The following ASTN2 variants were observed in gnomAD, a reference collection of about 807,000 sequenced individuals.
The protein encoded by ASTN2 is astrotactin 2.
ASTN2 carries 54 observed loss-of-function variants against 139.8 expected under a neutral mutation model. That is an observed-to-expected ratio of 0.39 (90% confidence interval 0.31 to 0.48). ASTN2 has a LOEUF of 0.48. Ranked by LOEUF, ASTN2 falls within the 20% of genes least tolerant of loss-of-function variation. The pLI, the probability that ASTN2 is intolerant of heterozygous loss-of-function variation, is 0.95. For synonymous variants in ASTN2, 756 were observed against 719.5 expected, an observed-to-expected ratio of 1.05 and a Z score of -0.81; for missense variants, 1,565 against 1,725.1, an observed-to-expected ratio of 0.91 and a Z score of 1.64.
chr9:117,414,533 C>A lies in ASTN2; in HGVS notation c.406G>T (p.Asp136Tyr). The A allele has an allele frequency of 1.2e-6, 2 of 1,607,022 alleles. No individual in the cohort carries two copies. Among genetic ancestry groups the A allele is most frequent in the Non-Finnish European group, 1.7e-6 (2 of 1,177,364 alleles). The change falls in exon 1 of 23, where the codon GAC becomes TAC. Residue 136 changes from aspartate to tyrosine, a missense_variant. Physicochemically the swap from Asp to Tyr is radical, Grantham distance 160. Transcript: ENST00000313400. This position sits in a 1 kb window ranked among gnomAD's most constrained non-coding sequence, Gnocchi z 4.2. ...ELPGRIAVQD[D>Y]LDNTELPFFT... is the part of the protein sequence containing the mutation. ...AAGGGCAGCTCGGTGTTGTCCAGGT[C>A]GTCCTGCACCGCGATGCGCCCCGGC...
chr9:116,595,114 C>A (rs1469713561), intron 19 of ASTN2, among the ~76,000 whole-genome samples: 1 of 152,178 alleles, frequency 6.6e-6, no homozygotes, highest in Non-Finnish European at 1.5e-5. Context: ...CCCCTCTAAA[C>A]CTGAGTTTTC....
chr9:116,704,843 T>G (rs988956817), intron 16 of ASTN2, among the ~76,000 whole-genome samples: 19 of 152,302 alleles, frequency 1.2e-4, no homozygotes, highest in African/African-American at 4.3e-4. Context: ...TTGACTCTTT[T>G]GAGGGGTAAA....
intron 3 of ASTN2, among the ~76,000 whole-genome samples, chr9:117,170,336 T>C (rs1368430912): frequency 1.3e-5 from 2 of 152,080 alleles, no homozygotes; most frequent in Admixed American, 6.5e-5. Context: ...ATGACCTCAG[T>C]TGCAATCTTC....
intron 1 of ASTN2, among the ~76,000 whole-genome samples, chr9:117,388,208 CAT>C (rs1177087023): frequency 3.9e-5 from 6 of 152,346 alleles, no homozygotes; most frequent in East Asian, 3.9e-4. Flanking sequence ...CTAATGAGCA[CAT>C]GTCTTGCTTT....
At chr9:116,878,614 G>T (rs1291062385) in intron 10 of ASTN2, among the ~76,000 whole-genome samples, 1 of 152,128 alleles carries the variant, frequency 6.6e-6, no homozygotes, top group East Asian at 1.9e-4. Flanking sequence ...ATACCTAGGT[G>T]ATGGGTTGAT....
intron 4 of ASTN2, among the ~76,000 whole-genome samples, chr9:117,114,132 G>A (rs1238309000): frequency 6.6e-6 from 1 of 151,146 alleles, no homozygotes; most frequent in African/African-American, 2.4e-5. Context: ...TATACTTTGG[G>A]GAATTTTAGA....
chr9:117,097,941 A>G (rs1272093780), intron 4 of ASTN2, among the ~76,000 whole-genome samples: 1 of 152,316 alleles, frequency 6.6e-6, no homozygotes, highest in East Asian at 1.9e-4. Context: ...ATTGCTGACA[A>G]TCCTCATCAT....
intron 10 of ASTN2, among the ~76,000 whole-genome samples, chr9:116,937,995 C>G (rs961872007): frequency 6.6e-6 from 1 of 152,144 alleles, no homozygotes. Context: ...TCTCGGCAAC[C>G]TTTGTGAGAT....
chr9:117,376,109 A>G (rs1017517078), intron 1 of ASTN2, among the ~76,000 whole-genome samples: 3 of 152,168 alleles, frequency 2.0e-5, no homozygotes, highest in Admixed American at 6.5e-5. Flanking sequence ...CATATGGCAT[A>G]GAATATTCAC....
At chr9:117,322,752 G>A (rs1469619984) in intron 1 of ASTN2, among the ~76,000 whole-genome samples, 3 of 152,120 alleles carry the variant, frequency 2.0e-5, no homozygotes, top group African/African-American at 7.2e-5. Context: ...GTTGGTATGA[G>A]CTTTGTTGAT....
chr9:116,480,599 G>A (rs1210116305), intron 20 of ASTN2, among the ~76,000 whole-genome samples: 1 of 152,206 alleles, frequency 6.6e-6, no homozygotes, highest in East Asian at 1.9e-4. Flanking sequence ...TACAGTATTA[G>A]TGAGTACCAT....
Position 116,975,243 on chromosome 9 carries a change from G to A in ASTN2, c.1854C>T (p.Thr618=), listed in dbSNP as rs374483218. Residue 618 remains threonine, a synonymous_variant, in exon 10 of 23, where the codon ACC becomes ACT. Transcript: ENST00000313400. ...LSINPLASCK[T]DVLVTEDPAD... is the part of the protein sequence containing the mutation. ...CAGGGTCTTCCGTGACGAGCACATC[G>A]GTCTTGCAGCTGGCCAGGGGGTTGA... is the stretch of plus-strand genomic sequence containing the variant. 4.3e-6 allele frequency: 7 copies of A among 1,613,068 alleles called. No homozygotes were observed. The highest frequency in any genetic ancestry group is 1.7e-4 in the Middle Eastern group (1 of 6,052).
chr9:117,155,135 G>T (rs1167400234), intron 3 of ASTN2, among the ~76,000 whole-genome samples: 1 of 152,036 alleles, frequency 6.6e-6, no homozygotes, highest in East Asian at 1.9e-4. Flanking sequence ...GGTCCCATAT[G>T]CATCCCAGAA....
intron 2 of ASTN2, among the ~76,000 whole-genome samples, chr9:117,245,952 A>G (rs1833368155): frequency 6.6e-6 from 1 of 152,094 alleles, no homozygotes; most frequent in Non-Finnish European, 1.5e-5. Context: ...TTGCATGAGT[A>G]TTTACTAGTC....
intron 11 of ASTN2, among the ~76,000 whole-genome samples, chr9:116,829,248 C>T (rs1196505194): frequency 6.6e-6 from 1 of 151,226 alleles, no homozygotes; most frequent in Non-Finnish European, 1.5e-5. Context: ...CATTATCTGA[C>T]TTCAAATTAT....
chr9:117,323,277 C>G (rs1295566799), intron 1 of ASTN2, among the ~76,000 whole-genome samples: 1 of 152,098 alleles, frequency 6.6e-6, no homozygotes, highest in South Asian at 2.1e-4. Context: ...GTCTGCCCCA[C>G]CTCTGACCCC....
Position 116,425,540 on chromosome 9 carries a change from C to G in ASTN2, c.*311G>C. 1 of 1,609,446 alleles carries G rather than the reference C, an allele frequency of 6.2e-7. No individual in the cohort carries two copies. Among genetic ancestry groups the G allele is most frequent in the Non-Finnish European group, 8.5e-7 (1 of 1,177,022 alleles). On this transcript the variant is annotated 3_prime_UTR_variant, in exon 23 of 23. Coordinates refer to ENST00000313400, the MANE Select transcript of ASTN2 (RefSeq NM_001365068.1). ...AAGAAGAGCAAAGGCCGCTTGGTCTCCACCTGAAAACTTCTGCCTCGGGAT... is the reference window on the plus strand; with the variant it reads ...AAGAAGAGCAAAGGCCGCTTGGTCTGCACCTGAAAACTTCTGCCTCGGGAT...
At chr9:116,446,654 T>C (rs1376607313) in intron 20 of ASTN2, among the ~76,000 whole-genome samples, 2 of 152,162 alleles carry the variant, frequency 1.3e-5, no homozygotes, top group African/African-American at 2.4e-5. Flanking sequence ...ATGGATAACG[T>C]TGGATGAGCT....
chr9:117,107,013 A>C (rs1333101657), intron 4 of ASTN2, among the ~76,000 whole-genome samples: 2 of 152,198 alleles, frequency 1.3e-5, no homozygotes, highest in African/African-American at 4.8e-5. Flanking sequence ...TTTTCTCTGA[A>C]TATTGAGATA....
Sources: gnomAD v4.1 joint callset for allele counts (sites outside exome capture counted in the v4.1 genomes callset) on GRCh38, gnomAD v4.1.1 for gene constraint, Gnocchi (gnomAD v3.1) non-coding constraint, MANE v1.5 for transcripts, NCBI Gene and HGNC (gene_info 2026-07-23, HGNC 2026-07-21) for gene names.